ARHGEF18: variants seen among roughly 807,000 people sequenced by gnomAD.
The protein encoded by ARHGEF18 is Rho/Rac guanine nucleotide exchange factor 18.
ARHGEF18 carries 93 observed loss-of-function variants against 155.7 expected under a neutral mutation model. The ratio of observed to expected loss-of-function variants is 0.60; its 90% CI spans 0.50 to 0.71. The LOEUF is 0.71. Among genes scored for constraint, ARHGEF18 ranks in the 30% least tolerant of loss-of-function variants. The pLI is 0.00. For missense variants in ARHGEF18, 1,593 were observed against 1,816.1 expected, an observed-to-expected ratio of 0.88 and a Z score of 2.23; for synonymous variants, 742 against 753.1, an observed-to-expected ratio of 0.99 and a Z score of 0.24.
chr19:7,384,084 C>T (rs577410165), intron 10 of ARHGEF18, among the ~76,000 whole-genome samples: 7 of 152,242 alleles, frequency 4.6e-5, no homozygotes, highest in Non-Finnish European at 8.8e-5. Flanking sequence ...AAGATGCGTG[C>T]GCCGTTTGTA....
chr19:7,469,836 G>C, intron 27 of ARHGEF18, 68 bp from the exon 28 acceptor site: 1 of 1,573,302 alleles, frequency 6.4e-7, no homozygotes, highest in Non-Finnish European at 8.6e-7. Flanking sequence ...TCTGCTCTCG[G>C]AGGCTGCCCT....
In ARHGEF18 at chr19:7,429,920, CCTGGAAG is replaced by C. The variant is rs543998840; in HGVS notation, c.968-10423_968-10417del. ...CTGTGTTTAACAAGCCTCAGTGCAT[CCTGGAAG>C]TACTTTTTTTTTTTAAATCGACTTG... On this transcript the variant is annotated intron_variant, in intron 10 of 28. Transcript: ENST00000668164. Among the ~76,000 whole-genome samples, 149 of 151,902 alleles carry C rather than the reference CCTGGAAG, an allele frequency of 9.8e-4. 1 individual carries two copies. Among genetic ancestry groups the C allele is most frequent in the Middle Eastern group, 3.4e-3 (1 of 292 alleles).
chr19:7,374,819 C>T (rs1237610794), intron 3 of ARHGEF18, among the ~76,000 whole-genome samples: 1 of 152,212 alleles, frequency 6.6e-6, no homozygotes, highest in African/African-American at 2.4e-5. Context: ...GATCTGCATA[C>T]TGCTTGCATG....
At position 7,453,684 on chromosome 19, in the gene ARHGEF18, A is replaced by G. The variant is rs1975647603; in HGVS notation, c.2073A>G (p.Leu691=). ...GGCAGCTCCACCTGGAGGGCATGCT[A>G]TGCTGGAAGACCACATCAGGGCGCT... ...LQRQLHLEGM[L]CWKTTSGRLK... is the part of the protein sequence containing the mutation. The change falls in exon 17 of 29, where the codon CTA becomes CTG. Residue 691 remains leucine, a synonymous_variant. Coordinates refer to ENST00000668164, the MANE Select transcript of ARHGEF18 (RefSeq NM_001367823.1). The G allele has an allele frequency of 1.3e-6, 2 of 1,592,766 alleles. No individual in the cohort carries two copies. Among genetic ancestry groups the G allele is most frequent in the African/African-American group, 2.7e-5 (2 of 74,442 alleles).
At position 7,467,557 on chromosome 19, in the gene ARHGEF18, A is replaced by ACGACCTGGAG; in HGVS notation, c.3356_3365dup (p.Leu1123ProfsTer162). The ACGACCTGGAG allele has an allele frequency of 6.7e-7, 1 of 1,483,184 alleles. No homozygotes were observed. The highest frequency in any genetic ancestry group is 8.9e-7 in the Non-Finnish European group (1 of 1,126,048). 91.9% of individuals were successfully genotyped at this position (1,483,184 alleles called of 1,614,324 possible). On this transcript the variant is annotated frameshift_variant, in exon 26 of 29. Coordinates refer to ENST00000668164, the MANE Select transcript of ARHGEF18 (RefSeq NM_001367823.1). LOFTEE classifies it high-confidence loss of function. ...GAGCGCCAGCGCCAGGCCTACCAGC[A>ACGACCTGGAG]CGACCTGGAGCGGCTGCGCGAGGCC...
At chr19:7,391,152 C>T (rs1375244581) in intron 10 of ARHGEF18, among the ~76,000 whole-genome samples, 1 of 152,178 alleles carries the variant, frequency 6.6e-6, no homozygotes, top group East Asian at 1.9e-4. Context: ...GGCCAAAACA[C>T]CCATGTCTCA....
chr19:7,478,527 T>C, the ARHGEF18 span: 3 of 782,858 alleles, frequency 3.8e-6, no homozygotes, highest in African/African-American at 3.4e-5. Flanking sequence ...CACACCCTCC[T>C]GGCTGTGCCT....
At chr19:7,429,220 G>T (rs1314447180) in intron 10 of ARHGEF18, among the ~76,000 whole-genome samples, 1 of 152,182 alleles carries the variant, frequency 6.6e-6, no homozygotes, top group Non-Finnish European at 1.5e-5. Context: ...CCTGTAGATG[G>T]GGCGGGATGA....
At chr19:7,424,745 C>T (rs1600392762) in intron 10 of ARHGEF18, among the ~76,000 whole-genome samples, 2 of 152,156 alleles carry the variant, frequency 1.3e-5, no homozygotes, top group African/African-American at 4.8e-5. Flanking sequence ...CCTGTAATCC[C>T]AGCACTTTGG....
intron 1 of ARHGEF18, among the ~76,000 whole-genome samples, chr19:7,351,906 G>T (rs1394591093): frequency 1.3e-5 from 2 of 151,658 alleles, no homozygotes; most frequent in African/African-American, 4.8e-5. Context: ...TGTTACCCAG[G>T]CTGGTCTTGA....
Position 7,383,133 on chromosome 19 carries a change from C to T in ARHGEF18, c.897C>T (p.His299=), listed in dbSNP as rs1970827093. The T allele has an allele frequency of 8.1e-7, 1 of 1,232,140 alleles. No individual in the cohort carries two copies. Among genetic ancestry groups the T allele is most frequent in the Non-Finnish European group, 1.0e-6 (1 of 988,114 alleles). 76.3% of individuals were successfully genotyped at this position (1,232,140 alleles called of 1,614,324 possible). A position where few individuals can be genotyped will look rare whatever the true frequency, so the allele number is the denominator to read the frequency against. The change falls in exon 10 of 29, where the codon CAC becomes CAT. Residue 299 remains histidine (H), a synonymous_variant. Transcript: ENST00000668164. ...AGAGGCGGGAGTGTGTCAATGGGCACCAGCTGTTGCAAGGGACCTTCTCCG... is the reference window on the plus strand; with the variant it reads ...AGAGGCGGGAGTGTGTCAATGGGCATCAGCTGTTGCAAGGGACCTTCTCCG... ...ARERRECVNG[H]QLLQGTFSGP...
chr19:7,367,840 TTTTA>T (rs1285696465), intron 2 of ARHGEF18, among the ~76,000 whole-genome samples: 1 of 34,426 alleles, frequency 2.9e-5, no homozygotes, highest in African/African-American at 9.4e-5. Flanking sequence ...CATATATATA[TTTTA>T]TATATATATA....
chr19:7,399,341 T>G (rs1971905147), intron 10 of ARHGEF18, among the ~76,000 whole-genome samples: 1 of 152,196 alleles, frequency 6.6e-6, no homozygotes, highest in Non-Finnish European at 1.5e-5. Flanking sequence ...GTGATGCAAA[T>G]TAAGTTGTAT....
At chr19:7,358,956 G>A (rs1196292506) in intron 1 of ARHGEF18, among the ~76,000 whole-genome samples, 1 of 152,168 alleles carries the variant, frequency 6.6e-6, no homozygotes, top group Non-Finnish European at 1.5e-5. Flanking sequence ...ATGCTCTAGA[G>A]CATGGATCAG....
At chr19:7,401,531 T>C (rs184649092) in intron 10 of ARHGEF18, among the ~76,000 whole-genome samples, 2 of 152,246 alleles carry the variant, frequency 1.3e-5, no homozygotes, top group Admixed American at 1.3e-4. Context: ...TCAAGCAATC[T>C]GCCTGCCTTG....
At chr19:7,476,424 A>G (rs1301637427), downstream of ARHGEF18, among the ~76,000 whole-genome samples, 2 of 152,320 alleles carry the variant, frequency 1.3e-5, no homozygotes, top group East Asian at 3.9e-4. Context: ...CAGAGGCCAC[A>G]TGTGCACAGA....
At chr19:7,401,976 G>A (rs761356816) in intron 10 of ARHGEF18, among the ~76,000 whole-genome samples, 1 of 152,210 alleles carries the variant, frequency 6.6e-6, no homozygotes, top group Non-Finnish European at 1.5e-5. Flanking sequence ...AAGGCCACCT[G>A]CTGTATGATT....
the ARHGEF18 span, among the ~76,000 whole-genome samples, chr19:7,477,624 C>G: frequency 6.6e-6 from 1 of 152,158 alleles, no homozygotes; most frequent in African/African-American, 2.4e-5. Context: ...GACCCAAGCA[C>G]GAACAGGGCA....
chr19:7,417,924 T>G (rs10404835), intron 10 of ARHGEF18, among the ~76,000 whole-genome samples: 24,999 of 152,082 alleles, frequency 0.16, 4,194 homozygotes, highest in African/African-American at 0.43. Context: ...TTGGGCTTTG[T>G]GGGCAGCATA....
Sources: gnomAD v4.1 joint callset for allele counts (sites outside exome capture counted in the v4.1 genomes callset) on GRCh38, gnomAD v4.1.1 for gene constraint, MANE v1.5 for transcripts, NCBI Gene and HGNC (gene_info 2026-07-23, HGNC 2026-07-21) for gene names.